ADAMTS7: variants seen among roughly 807,000 people sequenced by gnomAD.
The protein encoded by ADAMTS7 is ADAM metallopeptidase with thrombospondin type 1 motif 7, also known as A disintegrin and metalloproteinase with thrombospondin motifs 7.
In ADAMTS7, 89 loss-of-function variants were observed where a neutral mutation model predicts 172.6. The ratio of observed to expected loss-of-function variants is 0.52; its 90% confidence interval spans 0.43 to 0.61. ADAMTS7 has a LOEUF of 0.61. ADAMTS7 is among the 20% of genes least tolerant of loss of function. ADAMTS7 has a pLI of 0.00. For missense variants in ADAMTS7, 1,973 were observed against 2,355.6 expected (o/e 0.84, Z 3.36); for synonymous variants, 885 against 978.4 (o/e 0.90, Z 1.78).
chr15:78,766,104 C>A lies in ADAMTS7; in HGVS notation c.3807G>T (p.Glu1269Asp). 1.9e-6 allele frequency: 3 copies of A among 1,611,032 alleles called. No individual in the cohort carries two copies. The highest frequency in any genetic ancestry group is 2.5e-6 in the Non-Finnish European group (3 of 1,179,912). Residue 1269 changes from glutamate (E) to aspartate (D), a missense_variant, in exon 19 of 24, where the codon GAG becomes GAT. Physicochemically the swap from Glu to Asp is conservative, Grantham distance 45 (BLOSUM62 2). This residue lies in a region of ADAMTS7 where 771 missense variants were observed against 952.6 expected (regional missense o/e 0.81). Transcript: ENST00000388820. ...ELWTGGTVAW[E>D]PALEGGLGPV... ...GCCCCAGGCCACCCTCCAGAGCTGGCTCCCAGGCCACTGTGCCTCCTGTCC... is the reference window on the plus strand; with the variant it reads ...GCCCCAGGCCACCCTCCAGAGCTGGATCCCAGGCCACTGTGCCTCCTGTCC...
intron 1 of ADAMTS7, among the ~76,000 whole-genome samples, chr15:78,810,185 C>A (rs1386274983): frequency 6.6e-6 from 1 of 152,254 alleles, no homozygotes; most frequent in Admixed American, 6.5e-5. Flanking sequence ...TCCCTCCACG[C>A]CCTTCTAGCT....
chr15:78,788,784 G>C (rs1038736601), intron 7 of ADAMTS7, among the ~76,000 whole-genome samples: 5 of 152,232 alleles, frequency 3.3e-5, no homozygotes, highest in African/African-American at 9.6e-5. Context: ...CTTGAGTTAA[G>C]GGATCTGAGC....
rs112887169 is a variant in ADAMTS7, at chr15:78,798,117, G to A, written c.457-4C>T. 7.8e-6 allele frequency: 12 copies of A among 1,547,690 alleles called. No individual in the cohort carries two copies. The African/African-American group carries it at 1.1e-4, about 15-fold the overall frequency. On this transcript the variant is annotated splice_polypyrimidine_tract_variant and splice_region_variant and intron_variant, in intron 2 of 23. Coordinates refer to ENST00000388820, the MANE Select transcript of ADAMTS7 (RefSeq NM_014272.5). ...TGGAGAGCTGGAACACACCTTTCTG[G>A]GGAAGAAGCACCAGGGTCACACAGG...
At chr15:78,789,970 G>A (rs1336837487) in intron 6 of ADAMTS7, 132 bp from the exon 7 acceptor site, 1 of 1,320,066 alleles carries the variant, frequency 7.6e-7, no homozygotes, top group Non-Finnish European at 1.0e-6. Context: ...TCTGTGACAT[G>A]AGGCCAGCAC....
At chr15:78,788,013 C>T (rs972490936) in intron 8 of ADAMTS7, among the ~76,000 whole-genome samples, 12 of 152,180 alleles carry the variant, frequency 7.9e-5, no homozygotes, top group African/African-American at 2.2e-4. Flanking sequence ...TTTGGGATGC[C>T]GGCACCACAT....
chr15:78,790,664 C>T lies in ADAMTS7; in HGVS notation c.1028+6G>A, dbSNP rs1325408112. 6 of 1,613,348 alleles carry T rather than the reference C, an allele frequency of 3.7e-6. No homozygotes were observed. Among genetic ancestry groups the T allele is most frequent in the African/African-American group, 1.3e-5 (1 of 75,024 alleles). On this transcript the variant is annotated splice_donor_region_variant and intron_variant, in intron 6 of 23. Transcript: ENST00000388820. ...GCAGGCTCCCACCCTCCTGCGGCTG[C>T]AGTACCTGGTGAGCAGGATGGCAGT...
chr15:78,777,957 C>T lies in ADAMTS7; in HGVS notation c.1323-369G>A, dbSNP rs566592845. Among the ~76,000 whole-genome samples the T allele has an allele frequency of 9.2e-5, 14 of 152,284 alleles. No individual in the cohort carries two copies. The South Asian group carries it at 1.0e-3, about 11-fold the overall frequency. On this transcript the variant is annotated intron_variant, in intron 8 of 23. Transcript: ENST00000388820. The stretch of plus-strand genomic sequence containing the variant: ...TGAGCCCAGACCCTGGAGCCAGGCC[C>T]GACAAGGATCCGGAGAACATCACAT...
chr15:78,765,198 G>A (rs2055119376), intron 19 of ADAMTS7: 1 of 229,588 alleles, frequency 4.4e-6, no homozygotes, highest in Admixed American at 5.1e-5. Flanking sequence ...GACCCAGGGA[G>A]GGGCACTAGC....
At chr15:78,776,937 C>A in intron 9 of ADAMTS7, 96 bp from the exon 10 acceptor site, 4 of 1,000,590 alleles carry the variant, frequency 4.0e-6, no homozygotes, top group Non-Finnish European at 5.9e-6. Context: ...CCCTGGGCAC[C>A]CCTCCACATG....
chr15:78,766,466 G>T lies in ADAMTS7; in HGVS notation c.3445C>A (p.Pro1149Thr). Residue 1149 changes from proline (P) to threonine (T), a missense_variant, in exon 19 of 24, where the codon CCT becomes ACT. By Grantham distance (38) the Pro-to-Thr change is conservative (BLOSUM62 -1). This residue lies in a region of ADAMTS7 where 771 missense variants were observed against 952.6 expected (regional missense o/e 0.81). Transcript: ENST00000388820. ...RSPPPPSEQTPGNPLINFLPE... is the reference protein window; with the variant it reads ...RSPPPPSEQTTGNPLINFLPE... ...AGGAAATTGATCAAAGGGTTCCCAG[G>T]GGTCTGCTCTGAGGGTGGGGGTGGG... 1 of 1,557,856 alleles carries T rather than the reference G, an allele frequency of 6.4e-7. No individual in the cohort carries two copies. The highest frequency in any genetic ancestry group is 8.7e-7 in the Non-Finnish European group (1 of 1,154,956).
intron 1 of ADAMTS7, among the ~76,000 whole-genome samples, chr15:78,807,144 G>A (rs1388248602): frequency 6.6e-6 from 1 of 152,188 alleles, no homozygotes; most frequent in Non-Finnish European, 1.5e-5. Context: ...CTAAAGATGA[G>A]CTGAAGGTCA....
At chr15:78,776,048 G>T in intron 11 of ADAMTS7, 140 bp downstream of exon 11, 1 of 1,170,604 alleles carries the variant, frequency 8.5e-7, no homozygotes, top group Non-Finnish European at 1.1e-6. Flanking sequence ...GTGACTTAAG[G>T]TGGCCTGGAC....
At chr15:78,768,072 G>GGGGTGGGGAGTTGGCGGGGGAT (rs2055187151) in intron 17 of ADAMTS7, 61 bp downstream of exon 17, 25 of 756,452 alleles carry the variant, frequency 3.3e-5, no homozygotes, top group East Asian at 3.7e-5. Flanking sequence ...GGCGGGGGAT[G>GGGGTGGGGAGTTGGCGGGGGAT]GGGGTGGGGA....
chr15:78,795,008 T>C (rs2055625248), intron 4 of ADAMTS7, among the ~76,000 whole-genome samples: 1 of 152,194 alleles, frequency 6.6e-6, no homozygotes, highest in South Asian at 2.1e-4. Context: ...TGAACCACAA[T>C]ACCCAGTCGG....
chr15:78,764,286 G>A (rs565370743), intron 20 of ADAMTS7, among the ~76,000 whole-genome samples, 187 bp from the exon 21 acceptor site: 2 of 150,932 alleles, frequency 1.3e-5, no homozygotes, highest in South Asian at 2.1e-4. Flanking sequence ...GGGCTGCCAC[G>A]GGCTGGGACA....
At chr15:78,807,183 A>C (rs1347098968) in intron 1 of ADAMTS7, among the ~76,000 whole-genome samples, 1 of 152,200 alleles carries the variant, frequency 6.6e-6, no homozygotes, top group Non-Finnish European at 1.5e-5. Flanking sequence ...CCAGCTCTAA[A>C]ATTCTCAACT....
At chr15:78,773,028 G>A in intron 14 of ADAMTS7, 55 bp downstream of exon 14, 1 of 1,442,782 alleles carries the variant, frequency 6.9e-7, no homozygotes, top group Non-Finnish European at 9.5e-7. Context: ...GGGAGATGGG[G>A]AAGGGGCCAT....
At chr15:78,778,373 C>T (rs1255636841) in intron 8 of ADAMTS7, among the ~76,000 whole-genome samples, 1 of 152,248 alleles carries the variant, frequency 6.6e-6, no homozygotes, top group Non-Finnish European at 1.5e-5. Flanking sequence ...GCTTCTGCCC[C>T]TGCCTCACTC....
chr15:78,789,259 C>T (rs1390159895), intron 7 of ADAMTS7, among the ~76,000 whole-genome samples: 3 of 152,236 alleles, frequency 2.0e-5, no homozygotes, highest in Non-Finnish European at 1.5e-5. Context: ...CCTTGGACAT[C>T]ACTGAATCCA....
Sources: allele counts gnomAD v4.1 joint callset (sites outside exome capture counted in the v4.1 genomes callset), GRCh38; gene constraint gnomAD v4.1.1; regional missense constraint gnomAD v4.1.1; transcripts MANE v1.5; gene names NCBI Gene and HGNC (gene_info 2026-07-23, HGNC 2026-07-21).